IQCH: variants seen among roughly 807,000 people sequenced by gnomAD.
The protein encoded by IQCH is IQ motif containing H.
IQCH carries 98 observed loss-of-function variants against 117.0 expected under a neutral mutation model. The ratio of observed to expected loss-of-function variants is 0.84; its 90% CI spans 0.71 to 0.99. The LOEUF is 0.99. Ranked by LOEUF, IQCH falls within the 50% of genes least tolerant of loss-of-function variation. IQCH has a pLI of 0.00. For missense variants in IQCH, 1,102 were observed against 1,243.8 expected (o/e 0.89, Z 1.72); for synonymous variants, 412 against 448.2 (o/e 0.92, Z 1.02).
chr15:67,437,569 T>C (rs2082168826), intron 16 of IQCH, among the ~76,000 whole-genome samples: 1 of 152,032 alleles, frequency 6.6e-6, no homozygotes, highest in Non-Finnish European at 1.5e-5. Context: ...CTGATTTACA[T>C]GAAAAAGAAT....
At chr15:67,266,470 C>T (rs142155922) in intron 3 of IQCH, among the ~76,000 whole-genome samples, 1,871 of 152,118 alleles carry the variant, frequency 0.012, 49 homozygotes, top group Admixed American at 0.06. Context: ...TCCTGGGTAA[C>T]ACAGTGAAAC....
intron 10 of IQCH, among the ~76,000 whole-genome samples, chr15:67,379,856 C>A (rs902374880): frequency 1.3e-5 from 2 of 152,090 alleles, no homozygotes; most frequent in Middle Eastern, 6.8e-3. Context: ...TTACTCAGTT[C>A]TTTCTTTTTT....
In IQCH at chr15:67,453,275, C is replaced by T. The variant is rs369756178; in HGVS notation, c.2506-11852C>T. Among the ~76,000 whole-genome samples the T allele has an allele frequency of 0.01, 1,525 of 152,314 alleles. 37 individuals are homozygous for T. Among genetic ancestry groups the T allele is most frequent in the African/African-American group, 0.033 (1,382 of 41,552 alleles). On this transcript the variant is annotated intron_variant, in intron 16 of 20. Coordinates refer to ENST00000335894, the MANE Select transcript of IQCH (RefSeq NM_001031715.3). The surrounding 1 kb of genome is among the most constrained non-coding windows in gnomAD (Gnocchi z 5.8). ...TTGTTCCGTTGCTGGTGAGGAGCTG[C>T]GTTCCTTTGGAGGAGGAGAGGCGCT...
intron 3 of IQCH, among the ~76,000 whole-genome samples, chr15:67,273,149 C>T (rs1376796286): frequency 2.0e-5 from 3 of 152,166 alleles, no homozygotes; most frequent in Non-Finnish European, 2.9e-5. Flanking sequence ...CGGCTCACTG[C>T]AACCTCTGCC....
At position 67,388,774 on chromosome 15, in the gene IQCH, G is replaced by T; in HGVS notation, c.1457-57G>T. ...TGCACAACACCAATCGGATGCCAGA[G>T]TTCATAATGTCATTTACCTTCACAC... On this transcript the variant is annotated intron_variant, in intron 11 of 20. Coordinates refer to ENST00000335894, the MANE Select transcript of IQCH (RefSeq NM_001031715.3). The surrounding 1 kb of genome is among the most constrained non-coding windows in gnomAD (Gnocchi z 5.5). 1 of 1,422,932 alleles carries T rather than the reference G, an allele frequency of 7.0e-7. No individual in the cohort carries two copies. The highest frequency in any genetic ancestry group is 2.3e-5 in the East Asian group (1 of 43,750). The allele number at this position is 1,422,932 out of a possible 1,614,324, so 88.1% of individuals were successfully genotyped here.
At chr15:67,289,059 T>C (rs191824595) in intron 4 of IQCH, among the ~76,000 whole-genome samples, 1 of 152,196 alleles carries the variant, frequency 6.6e-6, no homozygotes, top group African/African-American at 2.4e-5. Context: ...AATGAGTTCC[T>C]CATGGTTAAA....
At chr15:67,322,685 C>T (rs565353435) in intron 4 of IQCH, among the ~76,000 whole-genome samples, 9 of 152,188 alleles carry the variant, frequency 5.9e-5, no homozygotes, top group Admixed American at 3.9e-4. Context: ...TCTTGTCCTG[C>T]GTCCAAGAAG....
chr15:67,307,097 A>AT, intron 4 of IQCH: 1 of 1,230,736 alleles, frequency 8.1e-7, no homozygotes, highest in Non-Finnish European at 1.0e-6. Flanking sequence ...ATAACTGATT[A>AT]TAACTGTTAT....
intron 8 of IQCH, 45 bp from the exon 9 acceptor site, chr15:67,372,066 T>A: frequency 6.7e-7 from 1 of 1,488,274 alleles, no homozygotes; most frequent in East Asian, 2.3e-5. Flanking sequence ...TTAAAGGAGA[T>A]CATAATATCT....
chr15:67,487,449 C>G (rs1042026850), intron 18 of IQCH, among the ~76,000 whole-genome samples: 21 of 151,750 alleles, frequency 1.4e-4, no homozygotes, highest in Admixed American at 3.3e-4. Context: ...CACACACACA[C>G]ACACACACAA....
Position 67,384,879 on chromosome 15 carries a change from C to A in IQCH, c.1373-57C>A. ...TGTGACATTTTGAAATTCTCTTGTG[C>A]CATTTTGCTATATCGACTTGCTCTT... On this transcript the variant is annotated intron_variant, in intron 10 of 20. Coordinates refer to ENST00000335894, the MANE Select transcript of IQCH (RefSeq NM_001031715.3). The surrounding 1 kb of genome is among the most constrained non-coding windows in gnomAD (Gnocchi z 4.3). 1.9e-6 allele frequency: 2 copies of A among 1,076,744 alleles called. No homozygotes were observed. The highest frequency in any genetic ancestry group is 1.3e-5 in the South Asian group (1 of 78,632). 66.7% of individuals were successfully genotyped at this position (1,076,744 alleles called of 1,614,324 possible).
chr15:67,283,308 A>G (rs1966437307), intron 4 of IQCH, among the ~76,000 whole-genome samples: 2 of 152,222 alleles, frequency 1.3e-5, no homozygotes, highest in Admixed American at 6.5e-5. Context: ...ATGTATATAC[A>G]GTACAAGTAC....
At chr15:67,451,847 G>T (rs1172877639) in intron 16 of IQCH, among the ~76,000 whole-genome samples, 1 of 152,160 alleles carries the variant, frequency 6.6e-6, no homozygotes, top group Non-Finnish European at 1.5e-5. Context: ...CATTATTATT[G>T]TGTGGGAGTC....
chr15:67,383,921 A>G (rs1971024583), intron 10 of IQCH, among the ~76,000 whole-genome samples: 1 of 152,208 alleles, frequency 6.6e-6, no homozygotes, highest in Admixed American at 6.5e-5. Context: ...AGAGCCAATT[A>G]TCAGAGTTCA....
intron 4 of IQCH, among the ~76,000 whole-genome samples, chr15:67,317,383 T>A (rs2140581318): frequency 6.6e-6 from 1 of 151,932 alleles, no homozygotes; most frequent in East Asian, 1.9e-4. Context: ...CTGTATTTTT[T>A]AAGTAGAGAT....
chr15:67,317,702 G>A (rs913842057), intron 4 of IQCH, among the ~76,000 whole-genome samples: 2 of 151,698 alleles, frequency 1.3e-5, no homozygotes, highest in African/African-American at 4.8e-5. Context: ...TATCTTCTAG[G>A]GTACCTTACA....
chr15:67,400,398 C>T (rs1020219915), intron 14 of IQCH, 93 bp downstream of exon 14: 12 of 809,614 alleles, frequency 1.5e-5, no homozygotes, highest in Non-Finnish European at 2.0e-5. Flanking sequence ...GTACTTTCCT[C>T]TCTACTTAGC....
chr15:67,465,267 A>T lies in IQCH; in HGVS notation c.2646A>T (p.Lys882Asn), dbSNP rs754860554. The change falls in exon 17 of 21, where the codon AAA becomes AAT. Residue 882 changes from lysine to asparagine, a missense_variant. Physicochemically the swap from Lys to Asn is moderately conservative, Grantham distance 94. Transcript: ENST00000335894. This position sits in a 1 kb window ranked among gnomAD's most constrained non-coding sequence, Gnocchi z 5.9. ...VPRFVPKERK[K>N]TKCMSALSMP... ...GCTTTGTTCCAAAGGAAAGGAAGAA[A>T]ACCAAATGCATGAGTGCGCTGTCAA... The T allele has an allele frequency of 1.9e-6, 3 of 1,613,680 alleles. No individual in the cohort carries two copies. In the East Asian group the frequency reaches 6.7e-5, roughly 36 times the overall value.
At chr15:67,335,300 G>T (rs1175302533) in intron 4 of IQCH, among the ~76,000 whole-genome samples, 1 of 152,168 alleles carries the variant, frequency 6.6e-6, no homozygotes, top group Non-Finnish European at 1.5e-5. Flanking sequence ...GTCAGAGCAG[G>T]TTGTCAGGTG....
Sources: gnomAD v4.1 joint callset for allele counts (sites outside exome capture counted in the v4.1 genomes callset) on GRCh38, gnomAD v4.1.1 for gene constraint, Gnocchi (gnomAD v3.1) non-coding constraint, MANE v1.5 for transcripts, NCBI Gene and HGNC (gene_info 2026-07-23, HGNC 2026-07-21) for gene names.